The following GRIA4 variants were observed in gnomAD, a reference collection of about 807,000 sequenced individuals.
GRIA4 encodes glutamate ionotropic receptor AMPA type subunit 4, also known as glutamate receptor 4.
GRIA4 carries 34 observed loss-of-function variants against 104.0 expected under a neutral mutation model. The observed-to-expected ratio is 0.33, with a 90% CI of 0.25 to 0.44. The LOEUF (loss-of-function observed/expected upper bound fraction) is 0.44. Among genes scored for constraint, GRIA4 ranks in the 20% least tolerant of loss-of-function variants. The probability of loss-of-function intolerance (pLI) is 1.00; values close to 1 mark genes in which losing one functional copy is unlikely to be tolerated. For missense variants in GRIA4, 750 were observed against 1,096.5 expected (o/e 0.68, Z 4.46); for synonymous variants, 386 against 381.9 (o/e 1.01, Z -0.13).
At chr11:105,977,785 G>A (rs1379114196) in intron 16 of GRIA4, among the ~76,000 whole-genome samples, 1 of 151,950 alleles carries the variant, frequency 6.6e-6, no homozygotes, top group Non-Finnish European at 1.5e-5. Flanking sequence ...TTAATATTGA[G>A]TAGGAAAACA....
At position 105,862,154 on chromosome 11, in the gene GRIA4, G is replaced by A. The variant is rs1245891643; in HGVS notation, c.618G>A (p.Glu206=). The change falls in exon 5 of 17, where the codon GAG becomes GAA. Residue 206 remains glutamate (E), a synonymous_variant. Transcript: ENST00000282499. The part of the protein sequence containing the change: ...QLLEELDRRQ[E]KKFVIDCEIE... ...TAGAAGAACTTGACAGAAGACAAGA[G>A]AAGAAGTTTGTAATAGACTGTGAGA... The A allele has an allele frequency of 3.7e-6, 6 of 1,607,656 alleles. No homozygotes were observed. The highest frequency in any genetic ancestry group is 5.1e-6 in the Non-Finnish European group (6 of 1,174,218).
chr11:105,781,581 AG>A (rs1267640780), intron 4 of GRIA4, among the ~76,000 whole-genome samples: 1 of 152,178 alleles, frequency 6.6e-6, no homozygotes, highest in Non-Finnish European at 1.5e-5. Context: ...GGAAAACAAA[AG>A]GGAATGCATC....
chr11:105,966,204 C>A, intron 14 of GRIA4: 1 of 598,724 alleles, frequency 1.7e-6, no homozygotes, highest in South Asian at 2.2e-5. Context: ...CAGTTACTGT[C>A]AATGCAAAAA....
chr11:105,797,188 G>A (rs1184936702), intron 4 of GRIA4, among the ~76,000 whole-genome samples: 2 of 152,012 alleles, frequency 1.3e-5, no homozygotes, highest in Non-Finnish European at 2.9e-5. Context: ...TAGCCTGGAT[G>A]ACAGAGCAAG....
At chr11:105,940,208 T>A (rs1053072898) in intron 14 of GRIA4, among the ~76,000 whole-genome samples, 1 of 151,706 alleles carries the variant, frequency 6.6e-6, no homozygotes, top group Admixed American at 6.6e-5. Context: ...CTACAAAAAA[T>A]AGAAAAATTA....
At chr11:105,613,353 C>T (rs1029849511) in intron 3 of GRIA4, 12 of 152,074 alleles carry the variant, frequency 7.9e-5, no homozygotes, top group African/African-American at 2.7e-4. Context: ...TTTCAAATAC[C>T]TCCTCACATT....
chr11:105,774,315 C>A (rs1211103928), intron 4 of GRIA4, among the ~76,000 whole-genome samples: 1 of 151,104 alleles, frequency 6.6e-6, no homozygotes, highest in Non-Finnish European at 1.5e-5. Flanking sequence ...CACAGCCATA[C>A]TGAGATATAA....
intron 3 of GRIA4, among the ~76,000 whole-genome samples, chr11:105,669,107 C>T (rs976827612): frequency 3.3e-5 from 5 of 151,988 alleles, no homozygotes; most frequent in African/African-American, 1.2e-4. Flanking sequence ...TACCTTTAAT[C>T]GGTCACCAAA....
intron 14 of GRIA4, among the ~76,000 whole-genome samples, chr11:105,935,783 T>C (rs541073342): frequency 1.3e-5 from 2 of 152,256 alleles, no homozygotes; most frequent in Admixed American, 6.5e-5. Context: ...CTGACTCCCA[T>C]TAATGGCAAG....
chr11:105,910,268 T>C (rs1027353105), intron 9 of GRIA4, among the ~76,000 whole-genome samples, 167 bp from the exon 10 acceptor site: 1 of 152,126 alleles, frequency 6.6e-6, no homozygotes, highest in Non-Finnish European at 1.5e-5. Flanking sequence ...AACTGACTCA[T>C]GAGCAAGTAA....
chr11:105,757,502 C>T (rs1250297585), intron 4 of GRIA4, among the ~76,000 whole-genome samples: 2 of 152,110 alleles, frequency 1.3e-5, no homozygotes, highest in Non-Finnish European at 2.9e-5. Flanking sequence ...AAAGGGTTGA[C>T]AGAATGAAGA....
rs1315329588 is a variant in GRIA4, at chr11:105,634,505, G to GA, written c.247+22074dup. Among the ~76,000 whole-genome samples, 291 of 69,234 alleles carry GA rather than the reference G, an allele frequency of 4.2e-3. 4 individuals are homozygous for GA. Among genetic ancestry groups the GA allele is most frequent in the African/African-American group, 0.012 (284 of 23,576 alleles). 45.4% of individuals were successfully genotyped at this position (69,234 alleles called of 152,430 possible). On this transcript the variant is annotated intron_variant, in intron 3 of 16. Coordinates refer to ENST00000282499, the MANE Select transcript of GRIA4 (RefSeq NM_000829.4). ...AGAAAGAAAGAAAGAAAGAAAGAAA[G>GA]AAAGAAAGAAGAAAGAAAGAAAGAA... is the stretch of plus-strand genomic sequence containing the variant.
intron 4 of GRIA4, among the ~76,000 whole-genome samples, chr11:105,856,809 A>G (rs992353476): frequency 1.3e-5 from 2 of 152,182 alleles, no homozygotes; most frequent in African/African-American, 4.8e-5. Context: ...GTGTCAGAAA[A>G]TGCCTTAGGA....
intron 4 of GRIA4, among the ~76,000 whole-genome samples, chr11:105,846,004 A>G (rs1203419095): frequency 6.6e-6 from 1 of 152,246 alleles, no homozygotes; most frequent in Non-Finnish European, 1.5e-5. Flanking sequence ...AATGTTTACT[A>G]TGGTTCATGT....
intron 3 of GRIA4, among the ~76,000 whole-genome samples, chr11:105,616,150 A>C (rs1277341808): frequency 6.6e-6 from 1 of 151,704 alleles, no homozygotes; most frequent in Non-Finnish European, 1.5e-5. Flanking sequence ...TTAAACTTTG[A>C]TAGAAAGGAC....
chr11:105,910,613 G>A lies in GRIA4; in HGVS notation c.1269+68G>A, dbSNP rs1947202719. Reference sequence around the variant, plus strand: ...AGGCAATTTTAACTCCCCAGCGACGGTGAACAGGGAGGGCAAAGCTGACTG... The same window carrying A: ...AGGCAATTTTAACTCCCCAGCGACGATGAACAGGGAGGGCAAAGCTGACTG... On this transcript the variant is annotated intron_variant, in intron 10 of 16. Coordinates refer to ENST00000282499, the MANE Select transcript of GRIA4 (RefSeq NM_000829.4). The A allele has an allele frequency of 8.6e-6, 7 of 814,348 alleles. No homozygotes were observed. The South Asian group carries it at 9.8e-5, about 11-fold the overall frequency. The allele number at this position is 814,348 out of a possible 1,614,324, so 50.4% of individuals were successfully genotyped here. A position where few individuals can be genotyped will look rare whatever the true frequency, so the allele number is the denominator to read the frequency against.
chr11:105,713,247 G>A lies in GRIA4; in HGVS notation c.248-39734G>A, dbSNP rs373667392. Among the ~76,000 whole-genome samples, 8 of 152,076 alleles carry A rather than the reference G, an allele frequency of 5.3e-5. No homozygotes were observed. The South Asian group carries it at 1.2e-3, about 24-fold the overall frequency. ...AAAATACAAAAATTAGCTGGGCGTC[G>A]TGGTGCCTGCTTTTAATCCCAGCTA... is the stretch of plus-strand genomic sequence containing the variant. On this transcript the variant is annotated intron_variant, in intron 3 of 16. Transcript: ENST00000282499.
chr11:105,684,890 A>G (rs1470246794), intron 3 of GRIA4, among the ~76,000 whole-genome samples: 1 of 151,900 alleles, frequency 6.6e-6, no homozygotes, highest in Admixed American at 6.6e-5. Flanking sequence ...CTTACATTGT[A>G]AAGATTACTT....
At chr11:105,892,907 G>C (rs890530986) in intron 6 of GRIA4, among the ~76,000 whole-genome samples, 1 of 152,088 alleles carries the variant, frequency 6.6e-6, no homozygotes, top group Non-Finnish European at 1.5e-5. Context: ...GCAAAATACA[G>C]CAGAAATGTT....
Sources: gnomAD v4.1 joint callset for allele counts (sites outside exome capture counted in the v4.1 genomes callset) on GRCh38, gnomAD v4.1.1 for gene constraint, MANE v1.5 for transcripts, NCBI Gene and HGNC (gene_info 2026-07-23, HGNC 2026-07-21) for gene names.